ANKRD36: variants seen among roughly 807,000 people sequenced by gnomAD.
The protein encoded by ANKRD36 is ankyrin repeat domain-containing protein 36A.
ANKRD36 carries 179 observed loss-of-function variants against 278.1 expected under a neutral mutation model. That is an observed-to-expected ratio of 0.64 (90% CI 0.57 to 0.73). ANKRD36 has a LOEUF of 0.73. Ranked by LOEUF, ANKRD36 falls within the 30% of genes least tolerant of loss-of-function variation. ANKRD36 has a pLI of 0.00. For missense variants in ANKRD36, 1,159 were observed against 1,956.7 expected (o/e 0.59, Z 7.69); for synonymous variants, 320 against 641.1 (o/e 0.50, Z 7.57).
At chr2:97,118,318 C>T (rs1331785340) in intron 2 of ANKRD36, 26 bp from the exon 3 acceptor site, 1 of 1,611,122 alleles carries the variant, frequency 6.2e-7, no homozygotes. Flanking sequence ...TCAGTATTTG[C>T]ATGTTTCTCG....
At chr2:97,211,492 G>T in intron 56 of ANKRD36, 54 bp from the exon 57 acceptor site, 3 of 1,588,844 alleles carry the variant, frequency 1.9e-6, no homozygotes, top group South Asian at 1.1e-5. Flanking sequence ...TGAATGTATG[G>T]ATAACTTTAT....
At chr2:97,212,012 C>A (rs2064794515) in intron 58 of ANKRD36, among the ~76,000 whole-genome samples, 1 of 151,816 alleles carries the variant, frequency 6.6e-6, no homozygotes, top group South Asian at 2.1e-4. Flanking sequence ...GGGACAGCAT[C>A]ATTTTGCTTT....
rs185113140 is a variant in ANKRD36 at position 97,170,748 on chromosome 2, C to T, written c.1633+2981C>T. 1.7e-4 allele frequency among the ~76,000 whole-genome samples: 26 copies of T among 151,880 alleles called. No individual in the cohort carries two copies. In the East Asian group the frequency reaches 4.9e-3, roughly 28 times the overall value. Reference sequence around the variant, plus strand: ...GCTTCTGCACAGCAAAAGAAACTACCATCAGAGTGAACAGGCAATACAAAA... The same window carrying T: ...GCTTCTGCACAGCAAAAGAAACTACTATCAGAGTGAACAGGCAATACAAAA... On this transcript the variant is annotated intron_variant, in intron 22 of 75. Coordinates refer to ENST00000420699, the MANE Select transcript of ANKRD36 (RefSeq NM_001354587.1).
intron 41 of ANKRD36, 34 bp from the exon 42 acceptor site, chr2:97,196,682 A>G: frequency 1.3e-6 from 2 of 1,586,040 alleles, no homozygotes; most frequent in Non-Finnish European, 1.7e-6. Flanking sequence ...AACATACTTT[A>G]TTTATTTATT....
rs1381704765 is a variant in ANKRD36, at chr2:97,207,931, C to G, written c.3193-3C>G. On this transcript the variant is annotated splice_polypyrimidine_tract_variant and splice_region_variant and intron_variant, in intron 53 of 75. Transcript: ENST00000420699. ...TTATTATTTCATTTGAAATTCCATT[C>G]AGGCTACAAGTGCCGAGAAAGATTC... The G allele has an allele frequency of 6.5e-7, 1 of 1,530,418 alleles. No homozygotes were observed. The highest frequency in any genetic ancestry group is 1.2e-5 in the South Asian group (1 of 83,032). 94.8% of individuals were successfully genotyped at this position (1,530,418 alleles called of 1,614,324 possible).
At chr2:97,217,027 A>G (rs1313902897) in intron 62 of ANKRD36, 150 bp from the exon 63 acceptor site, 3 of 1,443,508 alleles carry the variant, frequency 2.1e-6, no homozygotes, top group East Asian at 2.5e-5. Context: ...TATTTCTGTC[A>G]TGTTCCAATC....
Position 97,177,812 on chromosome 2 carries a change from A to C in ANKRD36, c.1634-1926A>C, listed in dbSNP as rs895796935. On this transcript the variant is annotated intron_variant, in intron 22 of 75. Coordinates refer to ENST00000420699, the MANE Select transcript of ANKRD36 (RefSeq NM_001354587.1). ...ACACCAAAAGCAATGGCAACAAAAGACAAAATTGACAGATGGGATCTAATT... is the reference window on the plus strand; with the variant it reads ...ACACCAAAAGCAATGGCAACAAAAGCCAAAATTGACAGATGGGATCTAATT... Among the ~76,000 whole-genome samples, 8 of 151,942 alleles carry C rather than the reference A, an allele frequency of 5.3e-5. No individual in the cohort carries two copies. The South Asian group carries it at 8.4e-4, about 16-fold the overall frequency.
At chr2:97,139,407 T>C (rs2042315400) in intron 6 of ANKRD36, among the ~76,000 whole-genome samples, 1 of 152,036 alleles carries the variant, frequency 6.6e-6, no homozygotes, top group Non-Finnish European at 1.5e-5. Flanking sequence ...TATTAAAACC[T>C]TGTAGAAAAG....
At chr2:97,203,345 T>A (rs1283300906) in intron 48 of ANKRD36, among the ~76,000 whole-genome samples, 1 of 151,856 alleles carries the variant, frequency 6.6e-6, no homozygotes, top group Non-Finnish European at 1.5e-5. Flanking sequence ...TTTCACTTTG[T>A]ATGTGTATGT....
At chr2:97,126,010 A>G (rs1208136621) in intron 5 of ANKRD36, among the ~76,000 whole-genome samples, 3 of 143,968 alleles carry the variant, frequency 2.1e-5, no homozygotes, top group African/African-American at 7.8e-5. Context: ...TTTGCTGGCT[A>G]GCTAAGTCAT....
chr2:97,203,025 G>A (rs2061827460), intron 48 of ANKRD36, among the ~76,000 whole-genome samples: 1 of 151,890 alleles, frequency 6.6e-6, no homozygotes, highest in Admixed American at 6.6e-5. Context: ...AACTGGCATA[G>A]AAACACACTG....
chr2:97,132,460 AT>A (rs1288605905), intron 6 of ANKRD36, among the ~76,000 whole-genome samples: 6 of 148,934 alleles, frequency 4.0e-5, no homozygotes, highest in Admixed American at 3.4e-4. Context: ...GTTTTTCATT[AT>A]TTTTTGGCAT....
chr2:97,171,340 G>A (rs1484505072), intron 22 of ANKRD36, among the ~76,000 whole-genome samples: 2 of 147,218 alleles, frequency 1.4e-5, no homozygotes, highest in Non-Finnish European at 3.0e-5. Context: ...AGAAAATGTG[G>A]CACATATACA....
chr2:97,235,479 G>A (rs1295854783), intron 68 of ANKRD36, among the ~76,000 whole-genome samples: 1 of 142,636 alleles, frequency 7.0e-6, no homozygotes, highest in Non-Finnish European at 1.5e-5. Flanking sequence ...GTTGGGGATT[G>A]TCTGAATTTG....
At chr2:97,198,002 T>A (rs2060261141) in intron 42 of ANKRD36, among the ~76,000 whole-genome samples, 1 of 151,924 alleles carries the variant, frequency 6.6e-6, no homozygotes, top group Non-Finnish European at 1.5e-5. Flanking sequence ...GTCATCGTAA[T>A]TGTGTGCCTT....
At chr2:97,124,758 A>T (rs148811523) in intron 5 of ANKRD36, among the ~76,000 whole-genome samples, 161 bp downstream of exon 5, 1 of 152,088 alleles carries the variant, frequency 6.6e-6, no homozygotes, top group African/African-American at 2.4e-5. Flanking sequence ...GTGCAACTTC[A>T]TCAGCCAGAA....
At chr2:97,216,380 T>C (rs1195297687) in intron 62 of ANKRD36, among the ~76,000 whole-genome samples, 1 of 151,986 alleles carries the variant, frequency 6.6e-6, no homozygotes, top group Admixed American at 6.6e-5. Flanking sequence ...AAAGTGGTCA[T>C]TTTCAATGAA....
chr2:97,156,538 A>G (rs2047489456), intron 15 of ANKRD36, among the ~76,000 whole-genome samples: 2 of 136,294 alleles, frequency 1.5e-5, no homozygotes, highest in African/African-American at 5.0e-5. Context: ...TGTCCCTACA[A>G]AGGACATGAA....
intron 22 of ANKRD36, among the ~76,000 whole-genome samples, chr2:97,177,036 GACAA>G (rs1488563025): frequency 1.3e-5 from 2 of 151,502 alleles, no homozygotes; most frequent in African/African-American, 4.8e-5. Context: ...ACCAACAACA[GACAA>G]ACAGAGAGCC....
Sources: allele counts gnomAD v4.1 joint callset (sites outside exome capture counted in the v4.1 genomes callset), GRCh38; gene constraint gnomAD v4.1.1; transcripts MANE v1.5; gene names NCBI Gene and HGNC (gene_info 2026-07-23, HGNC 2026-07-21).